Variants in NT5DC1 observed in about 807,000 individuals in gnomAD.
NT5DC1 encodes the protein 5'-nucleotidase domain containing 1.
A neutral mutation model predicts 59.4 loss-of-function variants in NT5DC1; 42 were observed. That is an observed-to-expected ratio of 0.71 (90% CI 0.55 to 0.92). The LOEUF (loss-of-function observed/expected upper bound fraction) is 0.92, where lower values mean the gene tolerates loss of function less well. Ranked by LOEUF, NT5DC1 falls within the 40% of genes least tolerant of loss-of-function variation. NT5DC1 has a pLI of 0.00. For synonymous variants in NT5DC1, 172 were observed against 188.1 expected (o/e 0.91, Z 0.70); for missense variants, 501 against 537.1 (o/e 0.93, Z 0.66).
intron 6 of NT5DC1, among the ~76,000 whole-genome samples, chr6:116,164,130 CAA>C (rs1239118168): frequency 6.6e-6 from 1 of 152,120 alleles, no homozygotes; most frequent in Non-Finnish European, 1.5e-5. Context: ...CGTTTTAAGT[CAA>C]GTTTCTTTGA....
chr6:116,195,850 C>G (rs957074673), intron 6 of NT5DC1, among the ~76,000 whole-genome samples: 1 of 151,976 alleles, frequency 6.6e-6, no homozygotes, highest in African/African-American at 2.4e-5. Flanking sequence ...ATGCTATTTT[C>G]TAACAGTAAC....
chr6:116,210,539 A>C (rs1781554362), intron 6 of NT5DC1, among the ~76,000 whole-genome samples: 1 of 151,998 alleles, frequency 6.6e-6, no homozygotes, highest in African/African-American at 2.4e-5. Flanking sequence ...GCCTCTCTGT[A>C]TCTCGGATTT....
chr6:116,108,235 G>T (rs1778804032), intron 2 of NT5DC1, 129 bp from the exon 3 acceptor site: 1 of 658,878 alleles, frequency 1.5e-6, no homozygotes, highest in Admixed American at 2.4e-5. Context: ...TTAATTGTGT[G>T]ATTAACATAT....
chr6:116,178,217 A>G (rs1780795879), intron 6 of NT5DC1, among the ~76,000 whole-genome samples: 1 of 151,984 alleles, frequency 6.6e-6, no homozygotes, highest in Admixed American at 6.6e-5. Flanking sequence ...CTTGAAACCC[A>G]CAAGCTGAGG....
chr6:116,125,639 C>A, intron 6 of NT5DC1: 1 of 731,296 alleles, frequency 1.4e-6, no homozygotes, highest in Non-Finnish European at 2.2e-6. Context: ...TAATATGTGC[C>A]ATAAATAAAT....
chr6:116,113,609 T>TGTCC (rs1422083577), intron 4 of NT5DC1, among the ~76,000 whole-genome samples: 2 of 152,224 alleles, frequency 1.3e-5, no homozygotes, highest in Admixed American at 6.5e-5. Context: ...CAAGCCCTTG[T>TGTCC]GTCCACACAG....
intron 8 of NT5DC1, among the ~76,000 whole-genome samples, chr6:116,235,038 T>G (rs1212118512): frequency 2.0e-4 from 3 of 14,944 alleles, no homozygotes; most frequent in Non-Finnish European, 3.0e-4. Flanking sequence ...GATTTGGGTT[T>G]TTTTTTTTTT....
intron 6 of NT5DC1, among the ~76,000 whole-genome samples, chr6:116,175,283 A>G (rs1780710470): frequency 6.6e-6 from 1 of 152,098 alleles, no homozygotes; most frequent in African/African-American, 2.4e-5. Context: ...TTCTGACACT[A>G]TAGGTTAGTT....
intron 6 of NT5DC1, among the ~76,000 whole-genome samples, chr6:116,145,923 T>C (rs1450613385): frequency 6.6e-6 from 1 of 152,252 alleles, no homozygotes; most frequent in Non-Finnish European, 1.5e-5. Flanking sequence ...TTGTCTTTGG[T>C]AACTCTTTCA....
At chr6:116,150,550 G>T (rs1780014106) in intron 6 of NT5DC1, among the ~76,000 whole-genome samples, 1 of 152,142 alleles carries the variant, frequency 6.6e-6, no homozygotes, top group Non-Finnish European at 1.5e-5. Context: ...CTCCCAAAAC[G>T]CTGGGATTAC....
chr6:116,110,476 C>G (rs921167942), intron 3 of NT5DC1, among the ~76,000 whole-genome samples: 1 of 152,186 alleles, frequency 6.6e-6, no homozygotes, highest in East Asian at 1.9e-4. Flanking sequence ...ACCTACTGCT[C>G]TTTCTCCAGT....
In NT5DC1 at chr6:116,106,227, C is replaced by T. The variant is rs1300144043; in HGVS notation, c.94-17C>T. ...TGGGTGTTATATTTAATCTGTTTTTCTTCCCCTTATTTGCAGCTCATTTAT... is the reference window on the plus strand; with the variant it reads ...TGGGTGTTATATTTAATCTGTTTTTTTTCCCCTTATTTGCAGCTCATTTAT... On this transcript the variant is annotated splice_polypyrimidine_tract_variant and intron_variant, in intron 1 of 11. Coordinates refer to ENST00000319550, the MANE Select transcript of NT5DC1 (RefSeq NM_152729.3). The T allele has an allele frequency of 4.0e-6, 5 of 1,259,498 alleles. No homozygotes were observed. The highest frequency in any genetic ancestry group is 1.7e-5 in the Admixed American group (1 of 59,500). The allele number at this position is 1,259,498 out of a possible 1,614,324, so 78.0% of individuals were successfully genotyped here.
At chr6:116,237,197 A>G (rs865810112) in intron 9 of NT5DC1, 113 bp downstream of exon 9, 21 of 682,110 alleles carry the variant, frequency 3.1e-5, no homozygotes, top group Middle Eastern at 2.5e-4. Flanking sequence ...TCCTTTGTCA[A>G]TGTAGACAGG....
chr6:116,237,554 C>T, intron 9 of NT5DC1: 1 of 456,686 alleles, frequency 2.2e-6, no homozygotes, highest in Non-Finnish European at 4.4e-6. Context: ...CTGGGGACTC[C>T]TGAGGGTTAA....
intron 11 of NT5DC1, among the ~76,000 whole-genome samples, chr6:116,240,559 GTGAGA>G (rs1771692964): frequency 6.6e-6 from 1 of 151,928 alleles, no homozygotes; most frequent in African/African-American, 2.4e-5. Flanking sequence ...GAGAGAATAA[GTGAGA>G]TGAGAGAAAA....
At chr6:116,102,515 G>A (rs917584084) in intron 1 of NT5DC1, among the ~76,000 whole-genome samples, 17 of 152,100 alleles carry the variant, frequency 1.1e-4, no homozygotes, top group African/African-American at 3.9e-4. Flanking sequence ...AGTTTTGTGT[G>A]TCTCCTCTTT....
intron 6 of NT5DC1, among the ~76,000 whole-genome samples, chr6:116,169,482 G>A (rs992173488): frequency 1.8e-4 from 28 of 152,280 alleles, no homozygotes; most frequent in African/African-American, 4.3e-4. Flanking sequence ...GATAGGTGCC[G>A]TAAGTTCTGT....
intron 1 of NT5DC1, among the ~76,000 whole-genome samples, chr6:116,101,527 A>G (rs1013370435): frequency 6.6e-6 from 1 of 152,190 alleles, no homozygotes; most frequent in Non-Finnish European, 1.5e-5. Context: ...GATGCGTAGT[A>G]TATAGTGTAG....
intron 6 of NT5DC1, chr6:116,126,270 C>G (rs545780592): frequency 6.6e-6 from 1 of 152,230 alleles, no homozygotes; most frequent in African/African-American, 2.4e-5. Context: ...CACACAAGAT[C>G]GGGCTGGGCT....
Sources: allele counts gnomAD v4.1 joint callset (sites outside exome capture counted in the v4.1 genomes callset), GRCh38; gene constraint gnomAD v4.1.1; transcripts MANE v1.5; gene names NCBI Gene and HGNC (gene_info 2026-07-23, HGNC 2026-07-21).